Variants in NAV3 observed in about 807,000 individuals in gnomAD.
NAV3 encodes pore membrane and/or filament interacting like protein 1.
NAV3 carries 87 observed loss-of-function variants against 244.7 expected under a neutral mutation model. That is an observed-to-expected ratio of 0.36 (90% CI 0.30 to 0.42). The LOEUF is 0.42. Ranked by LOEUF, NAV3 falls within the 20% of genes least tolerant of loss-of-function variation. NAV3 has a pLI of 1.00. For missense variants in NAV3, 2,663 were observed against 2,893.3 expected (o/e 0.92, Z 1.83); for synonymous variants, 1,126 against 1,042.2 (o/e 1.08, Z -1.55).
intron 3 of NAV3, among the ~76,000 whole-genome samples, 184 bp from the exon 4 acceptor site, chr12:77,966,045 T>C (rs938981441): frequency 1.3e-5 from 2 of 152,226 alleles, no homozygotes; most frequent in African/African-American, 4.8e-5. Flanking sequence ...AGCTGTACAA[T>C]GAAAGCTTTA....
chr12:77,796,845 G>T (rs1048275489), intron 2 of NAV3, among the ~76,000 whole-genome samples: 2 of 149,006 alleles, frequency 1.3e-5, no homozygotes, highest in Non-Finnish European at 3.0e-5. Context: ...TTTAATTAAG[G>T]TTTTTTTTTT....
At chr12:78,036,698 G>A in intron 9 of NAV3, 1 of 532,378 alleles carries the variant, frequency 1.9e-6, no homozygotes, top group Non-Finnish European at 3.3e-6. Flanking sequence ...GCTAAATTGG[G>A]GGCAAATAAT....
intron 2 of NAV3, among the ~76,000 whole-genome samples, chr12:77,767,215 G>C (rs958682409): frequency 6.6e-6 from 1 of 152,208 alleles, no homozygotes; most frequent in Non-Finnish European, 1.5e-5. Flanking sequence ...ATAATGGACA[G>C]ACTTAGGATT....
At chr12:77,927,811 T>C (rs1888360324) in intron 1 of NAV3, among the ~76,000 whole-genome samples, 1 of 152,170 alleles carries the variant, frequency 6.6e-6, no homozygotes, top group South Asian at 2.1e-4. Flanking sequence ...GCCCCATGCA[T>C]TTAAGACCGG....
intron 9 of NAV3, among the ~76,000 whole-genome samples, chr12:78,025,401 G>T (rs1294270062): frequency 2.0e-5 from 3 of 151,802 alleles, no homozygotes; most frequent in African/African-American, 4.8e-5. Context: ...TTCGAAACCA[G>T]CCTGGCCAAC....
chr12:77,658,288 A>G (rs1181234626), intron 2 of NAV3, among the ~76,000 whole-genome samples: 3 of 151,890 alleles, frequency 2.0e-5, no homozygotes, highest in Non-Finnish European at 4.4e-5. Flanking sequence ...ATGTACAAAA[A>G]TCACAAGCAT....
intron 3 of NAV3, among the ~76,000 whole-genome samples, chr12:77,959,961 A>T (rs1219364717): frequency 1.3e-5 from 2 of 149,346 alleles, no homozygotes; most frequent in African/African-American, 4.9e-5. Flanking sequence ...TAAGTTTTGG[A>T]CATATAGCAG....
chr12:78,037,518 T>C, intron 9 of NAV3: 1 of 591,460 alleles, frequency 1.7e-6, no homozygotes, highest in Non-Finnish European at 3.0e-6. Flanking sequence ...AGTTACATTT[T>C]AAATTCCTGT....
chr12:78,044,172 A>T (rs1221995531), intron 9 of NAV3, among the ~76,000 whole-genome samples: 1 of 152,144 alleles, frequency 6.6e-6, no homozygotes, highest in African/African-American at 2.4e-5. Flanking sequence ...TCCCAGCACC[A>T]TTTGTTAAAT....
At chr12:77,883,254 A>G (rs1220126007) in intron 1 of NAV3, among the ~76,000 whole-genome samples, 1 of 152,174 alleles carries the variant, frequency 6.6e-6, no homozygotes, top group Non-Finnish European at 1.5e-5. Context: ...GTGGAATACT[A>G]TGCTGCTATA....
chr12:78,087,011 C>T (rs1054326211), intron 12 of NAV3, among the ~76,000 whole-genome samples: 5 of 151,936 alleles, frequency 3.3e-5, no homozygotes, highest in African/African-American at 1.2e-4. Context: ...CCATATTGCT[C>T]TTTTATGTTA....
chr12:78,022,333 A>T (rs1244040209), intron 9 of NAV3, among the ~76,000 whole-genome samples: 1 of 152,136 alleles, frequency 6.6e-6, no homozygotes, highest in Non-Finnish European at 1.5e-5. Context: ...CATATCCCAG[A>T]CACAGTTATC....
chr12:77,741,032 C>T (rs182655947), intron 2 of NAV3, among the ~76,000 whole-genome samples: 76 of 150,474 alleles, frequency 5.1e-4, no homozygotes, highest in African/African-American at 1.7e-3. Flanking sequence ...TCTTGAGCAA[C>T]TTTCTGATGG....
intron 2 of NAV3, among the ~76,000 whole-genome samples, chr12:77,820,519 G>T (rs530927655): frequency 6.6e-6 from 1 of 152,094 alleles, no homozygotes; most frequent in South Asian, 2.1e-4. Flanking sequence ...GGCCACAACC[G>T]CCAATATTGT....
chr12:77,604,648 T>G (rs1238427763), intron 2 of NAV3, among the ~76,000 whole-genome samples: 2 of 152,028 alleles, frequency 1.3e-5, no homozygotes, highest in East Asian at 3.9e-4. Context: ...AACTGTAGGT[T>G]TCTTTTTTGT....
chr12:77,583,553 T>C (rs530459228), intron 2 of NAV3, among the ~76,000 whole-genome samples: 1 of 152,326 alleles, frequency 6.6e-6, no homozygotes, highest in East Asian at 1.9e-4. Flanking sequence ...CATGTTGTTT[T>C]GGGGGAAAAC....
intron 8 of NAV3, among the ~76,000 whole-genome samples, chr12:78,018,926 T>C (rs1386167782): frequency 6.6e-6 from 1 of 152,084 alleles, no homozygotes; most frequent in Admixed American, 6.6e-5. Context: ...AAGAACAGAC[T>C]TTAGTAGACT....
chr12:77,781,059 G>T (rs568420566), intron 2 of NAV3, among the ~76,000 whole-genome samples: 2 of 152,234 alleles, frequency 1.3e-5, no homozygotes, highest in South Asian at 4.1e-4. Flanking sequence ...AACAACACAG[G>T]TTTATTTGTT....
chr12:77,829,229 T>C (rs911228479), upstream of NAV3, among the ~76,000 whole-genome samples: 2 of 152,272 alleles, frequency 1.3e-5, no homozygotes, highest in Non-Finnish European at 2.9e-5. Flanking sequence ...GGCTTGGAGT[T>C]TGCCTTCCAA....
Sources: gnomAD v4.1 joint callset for allele counts (sites outside exome capture counted in the v4.1 genomes callset) on GRCh38, gnomAD v4.1.1 for gene constraint, MANE v1.5 for transcripts, NCBI Gene and HGNC (gene_info 2026-07-23, HGNC 2026-07-21) for gene names.